Variants in SEMA6D observed in about 807,000 individuals in gnomAD.
The protein encoded by SEMA6D is semaphorin-6D.
A neutral mutation model predicts 106.6 loss-of-function variants in SEMA6D; 35 were observed. The observed-to-expected ratio is 0.33, with a 90% CI of 0.25 to 0.44. SEMA6D has a LOEUF of 0.44. Among genes scored for constraint, SEMA6D ranks in the 20% least tolerant of loss-of-function variants. The pLI is 1.00. For synonymous variants in SEMA6D, 499 were observed against 487.7 expected (o/e 1.02, Z -0.31); for missense variants, 1,185 against 1,345.9 (o/e 0.88, Z 1.87).
intron 3 of SEMA6D, among the ~76,000 whole-genome samples, chr15:47,561,648 AT>A (rs201130268): frequency 0.017 from 2,524 of 151,452 alleles, 69 homozygotes; most frequent in African/African-American, 0.058. Context: ...GTGTTTTTCA[AT>A]TTTTTAAGGG....
chr15:47,225,291 G>T (rs1053241235), intron 1 of SEMA6D, among the ~76,000 whole-genome samples: 1 of 151,962 alleles, frequency 6.6e-6, no homozygotes, highest in Non-Finnish European at 1.5e-5. Flanking sequence ...GAGAATTCCT[G>T]TTGCTCTACA....
intron 1 of SEMA6D, among the ~76,000 whole-genome samples, chr15:47,362,860 T>C (rs148377555): frequency 5.3e-5 from 8 of 152,228 alleles, no homozygotes; most frequent in Non-Finnish European, 8.8e-5. Context: ...GAGTGTGAGC[T>C]TCCAAAGGCA....
At chr15:47,440,814 T>C (rs1362623775) in intron 2 of SEMA6D, among the ~76,000 whole-genome samples, 3 of 152,074 alleles carry the variant, frequency 2.0e-5, no homozygotes, top group Non-Finnish European at 4.4e-5. Context: ...ATATATGCAT[T>C]CGAATAGTTT....
intron 4 of SEMA6D, among the ~76,000 whole-genome samples, chr15:47,664,882 A>G (rs555796425): frequency 6.6e-6 from 1 of 152,188 alleles, no homozygotes; most frequent in South Asian, 2.1e-4. Flanking sequence ...GCAGGTAGGC[A>G]AATGCTGGGC....
At chr15:47,621,684 C>T (rs1338861731) in intron 4 of SEMA6D, among the ~76,000 whole-genome samples, 1 of 152,174 alleles carries the variant, frequency 6.6e-6, no homozygotes, top group African/African-American at 2.4e-5. Flanking sequence ...CCTCTCTGCA[C>T]AGGAGATCCT....
chr15:47,574,835 C>T (rs1270120990), intron 3 of SEMA6D, among the ~76,000 whole-genome samples: 3 of 152,142 alleles, frequency 2.0e-5, no homozygotes. Context: ...CTCCTCATTT[C>T]CCCACATTAT....
chr15:47,751,984 G>A (rs1444554849), intron 1 of SEMA6D, among the ~76,000 whole-genome samples: 1 of 152,142 alleles, frequency 6.6e-6, no homozygotes, highest in Non-Finnish European at 1.5e-5. Context: ...ACATATTCCA[G>A]GGCTGAAAAC....
At chr15:47,513,896 T>G (rs2044308086) in intron 3 of SEMA6D, among the ~76,000 whole-genome samples, 1 of 152,202 alleles carries the variant, frequency 6.6e-6, no homozygotes, top group South Asian at 2.1e-4. Context: ...CCACCTCAAA[T>G]GGATGTTTGC....
chr15:47,674,100 A>T (rs1022135279), intron 4 of SEMA6D, among the ~76,000 whole-genome samples: 1 of 152,164 alleles, frequency 6.6e-6, no homozygotes, highest in Non-Finnish European at 1.5e-5. Context: ...CAAAACCAGC[A>T]CTGGCTCCTG....
At chr15:47,594,844 A>C (rs529199303) in intron 3 of SEMA6D, among the ~76,000 whole-genome samples, 3 of 152,160 alleles carry the variant, frequency 2.0e-5, no homozygotes, top group Non-Finnish European at 4.4e-5. Flanking sequence ...GGAGGAGCAG[A>C]TGTTTGTCAG....
rs567685838 is a variant in SEMA6D, at chr15:47,270,370, A to T, written c.-239+85952A>T. 2.0e-5 allele frequency among the ~76,000 whole-genome samples: 3 copies of T among 151,874 alleles called. No individual in the cohort carries two copies. In the South Asian group the frequency reaches 6.2e-4, roughly 31 times the overall value. ...CACTATTGCTAGTAATTGCTTTATA[A>T]ATTCTTCAGGATTTTCTACATAGAT... On this transcript the variant is annotated intron_variant, in intron 1 of 19. Transcript: ENST00000558014.
At chr15:47,204,130 A>G (rs192898096) in intron 1 of SEMA6D, among the ~76,000 whole-genome samples, 2 of 152,270 alleles carry the variant, frequency 1.3e-5, no homozygotes, top group East Asian at 3.9e-4. Flanking sequence ...GTGGCCATTC[A>G]AGGTGATTTG....
At chr15:47,672,946 A>G (rs910731100) in intron 4 of SEMA6D, among the ~76,000 whole-genome samples, 2 of 152,176 alleles carry the variant, frequency 1.3e-5, no homozygotes, top group Admixed American at 6.5e-5. Context: ...AATTTTTTCA[A>G]ATGGGATTTT....
chr15:47,436,804 CA>C (rs1294423117), intron 2 of SEMA6D, among the ~76,000 whole-genome samples: 1 of 147,606 alleles, frequency 6.8e-6, no homozygotes, highest in African/African-American at 2.5e-5. Context: ...AGTGGTGGTG[CA>C]TGCCTATAGT....
chr15:47,537,971 G>A (rs956458601), intron 3 of SEMA6D, among the ~76,000 whole-genome samples: 6 of 152,178 alleles, frequency 3.9e-5, no homozygotes, highest in African/African-American at 1.2e-4. Flanking sequence ...AGGAGTAGAC[G>A]TGGAAGTAAG....
intron 2 of SEMA6D, among the ~76,000 whole-genome samples, chr15:47,429,009 A>T (rs1167993309): frequency 6.6e-6 from 1 of 151,790 alleles, no homozygotes; most frequent in Non-Finnish European, 1.5e-5. Context: ...GGAGGGAGGA[A>T]GGAATGAAGG....
At chr15:47,336,438 G>A (rs754025407) in intron 1 of SEMA6D, among the ~76,000 whole-genome samples, 7 of 152,106 alleles carry the variant, frequency 4.6e-5, no homozygotes, top group Non-Finnish European at 7.3e-5. Flanking sequence ...TGTTACTGGG[G>A]CTCATGGCAA....
chr15:47,547,094 T>A (rs1437848031), intron 3 of SEMA6D, among the ~76,000 whole-genome samples: 1 of 152,092 alleles, frequency 6.6e-6, no homozygotes, highest in Admixed American at 6.6e-5. Context: ...CCAATTTTTT[T>A]TACATTAAAT....
At chr15:47,441,314 A>G (rs2041874399) in intron 2 of SEMA6D, among the ~76,000 whole-genome samples, 1 of 152,148 alleles carries the variant, frequency 6.6e-6, no homozygotes, top group Non-Finnish European at 1.5e-5. Context: ...CAAGTTAAAC[A>G]GAGAAGTAAA....
Sources: gnomAD v4.1 joint callset for allele counts (sites outside exome capture counted in the v4.1 genomes callset) on GRCh38, gnomAD v4.1.1 for gene constraint, MANE v1.5 for transcripts, NCBI Gene and HGNC (gene_info 2026-07-23, HGNC 2026-07-21) for gene names.